TOX3: variants seen among roughly 807,000 people sequenced by gnomAD.
TOX3 encodes the protein CAG trinucleotide repeat-containing gene F9 protein.
In TOX3, 22 loss-of-function variants were observed where a neutral mutation model predicts 64.3. That is an observed-to-expected ratio of 0.34 (90% CI 0.24 to 0.49). The LOEUF is 0.49. TOX3 is among the 20% of genes least tolerant of loss of function. The probability of loss-of-function intolerance (pLI) is 0.99; values close to 1 mark genes in which losing one functional copy is unlikely to be tolerated. For synonymous variants in TOX3, 291 were observed against 273.6 expected (o/e 1.06, Z -0.63); for missense variants, 661 against 714.4 (o/e 0.93, Z 0.85).
chr16:52,530,589 T>C (rs1342874642), intron 1 of TOX3, among the ~76,000 whole-genome samples: 1 of 152,092 alleles, frequency 6.6e-6, no homozygotes, highest in African/African-American at 2.4e-5. Context: ...TCAGGTGATA[T>C]GCCCTGCCTC....
At chr16:52,486,390 G>C (rs750480326) in intron 1 of TOX3, among the ~76,000 whole-genome samples, 5 of 152,162 alleles carry the variant, frequency 3.3e-5, no homozygotes, top group Admixed American at 6.5e-5. Context: ...CAATGAGGCT[G>C]AAATAGATCT....
chr16:52,457,774 A>T (rs1234780285), intron 3 of TOX3, among the ~76,000 whole-genome samples: 1 of 152,198 alleles, frequency 6.6e-6, no homozygotes, highest in Admixed American at 6.5e-5. Context: ...TGCCAAATGC[A>T]TACCAATGAT....
chr16:52,439,433 T>A lies in TOX3; in HGVS notation c.1523A>T (p.Gln508Leu). Residue 508 changes from glutamine (Q) to leucine (L), a missense_variant, in exon 7 of 7, where the codon CAG becomes CTG. Transcript: ENST00000219746. ...CAGCTGGAGGCGCTGCTGCAGCTGCTGCTGCAGCTGCTGTTGATTAATTTG... is the reference window on the plus strand; with the variant it reads ...CAGCTGGAGGCGCTGCTGCAGCTGCAGCTGCAGCTGCTGTTGATTAATTTG... ...QQQINQQQLQQQLQQRLQLQQ... is the reference protein window; with the variant it reads ...QQQINQQQLQLQLQQRLQLQQ... 9 of 1,492,368 alleles carry A rather than the reference T, an allele frequency of 6.0e-6. No homozygotes were observed. Among genetic ancestry groups the A allele is most frequent in the African/African-American group, 1.4e-5 (1 of 72,032 alleles). The allele number at this position is 1,492,368 out of a possible 1,614,324, so 92.4% of individuals were successfully genotyped here.
intron 1 of TOX3, among the ~76,000 whole-genome samples, chr16:52,541,099 C>T (rs1963068404): frequency 6.6e-6 from 1 of 152,002 alleles, no homozygotes; most frequent in Non-Finnish European, 1.5e-5. Context: ...GCCTGGGAGC[C>T]CAGCCCTGGG....
At position 52,450,421 on chromosome 16, in the gene TOX3, G is replaced by T; in HGVS notation, c.534C>A (p.Asn178Lys). 6.2e-7 allele frequency: 1 copy of T among 1,614,022 alleles called. No individual in the cohort carries two copies. The highest frequency in any genetic ancestry group is 8.5e-7 in the Non-Finnish European group (1 of 1,179,892). Residue 178 changes from asparagine (N) to lysine (K), a missense_variant, in exon 4 of 7, where the codon AAC becomes AAA. Asn to Lys is a moderately conservative substitution (Grantham distance 94, BLOSUM62 0). Around this residue, in one of 3 missense-constraint regions of TOX3, gnomAD observed 259 missense variants for 261.2 expected, o/e 0.99. Transcript: ENST00000219746. Reference protein sequence around the residue: ...VMPPAQLTTINQSQLSAQLGL... With the variant: ...VMPPAQLTTIKQSQLSAQLGL... ...CCAACTGGGCGCTGAGCTGAGACTG[G>T]TTGATGGTGGTGAGCTGGGCAGGAG...
At chr16:52,534,715 T>C (rs879621338) in intron 1 of TOX3, among the ~76,000 whole-genome samples, 1 of 151,954 alleles carries the variant, frequency 6.6e-6, no homozygotes, top group Admixed American at 6.6e-5. Flanking sequence ...GATATAGGGA[T>C]ATAAGAAGTG....
At chr16:52,440,713 T>A (rs1487115652) in intron 6 of TOX3, among the ~76,000 whole-genome samples, 1 of 151,712 alleles carries the variant, frequency 6.6e-6, no homozygotes, top group African/African-American at 2.4e-5. Context: ...CCTGTTTCCT[T>A]ATCTGTAACA....
intron 1 of TOX3, among the ~76,000 whole-genome samples, chr16:52,474,164 C>T (rs9938209): frequency 0.078 from 11,815 of 152,108 alleles, 1,317 homozygotes; most frequent in African/African-American, 0.25. Flanking sequence ...TTGGTGACTC[C>T]GGCCAAATAT....
intron 1 of TOX3, among the ~76,000 whole-genome samples, chr16:52,494,815 G>A (rs9926539): frequency 0.28 from 42,292 of 152,192 alleles, 6,119 homozygotes; most frequent in South Asian, 0.39. Flanking sequence ...TGATTCTAGA[G>A]GAGAGAGGTT....
intron 5 of TOX3, 113 bp downstream of exon 5, chr16:52,445,881 A>T: frequency 4.1e-6 from 4 of 986,756 alleles, no homozygotes; most frequent in South Asian, 1.7e-5. Context: ...TTAGAAAAGG[A>T]TTTCAAAAGA....
chr16:52,463,515 T>TAA (rs1960758476), intron 3 of TOX3, among the ~76,000 whole-genome samples: 1 of 152,232 alleles, frequency 6.6e-6, no homozygotes, highest in East Asian at 1.9e-4. Flanking sequence ...TCATTTGCAA[T>TAA]AAGAATAAAT....
At chr16:52,485,014 T>C (rs1392572548) in intron 1 of TOX3, among the ~76,000 whole-genome samples, 3 of 150,618 alleles carry the variant, frequency 2.0e-5, no homozygotes, top group East Asian at 2.0e-4. Context: ...AGCAGCTAAC[T>C]GGATAAAGAA....
At chr16:52,440,090 A>G in intron 6 of TOX3, 122 bp from the exon 7 acceptor site, 1 of 796,020 alleles carries the variant, frequency 1.3e-6, no homozygotes, top group Non-Finnish European at 1.9e-6. Flanking sequence ...GCCCTCCTGT[A>G]TGTGTACTCT....
intron 3 of TOX3, among the ~76,000 whole-genome samples, chr16:52,455,561 C>A (rs1415759792): frequency 6.6e-6 from 1 of 152,044 alleles, no homozygotes; most frequent in African/African-American, 2.4e-5. Flanking sequence ...AAACAAGATT[C>A]CAACTGTGAT....
chr16:52,490,090 A>C (rs1961636614), intron 1 of TOX3, among the ~76,000 whole-genome samples: 1 of 152,116 alleles, frequency 6.6e-6, no homozygotes, highest in African/African-American at 2.4e-5. Flanking sequence ...GTGATTTTTT[A>C]ACGCAGTATG....
At chr16:52,440,248 C>G (rs2151737782) in intron 6 of TOX3, among the ~76,000 whole-genome samples, 1 of 152,238 alleles carries the variant, frequency 6.6e-6, no homozygotes, top group South Asian at 2.1e-4. Flanking sequence ...TCAAGCCTGC[C>G]CCTGCCATGT....
intron 4 of TOX3, among the ~76,000 whole-genome samples, chr16:52,447,076 T>C (rs1596775042): frequency 6.6e-6 from 1 of 152,078 alleles, no homozygotes; most frequent in East Asian, 1.9e-4. Flanking sequence ...CTGATATGGG[T>C]ATAGTTTCCC....
chr16:52,546,588 G>A (rs3095602), intron 1 of TOX3, 49 bp downstream of exon 1: 440,042 of 1,505,850 alleles, frequency 0.29, 69,584 homozygotes, highest in East Asian at 0.58. Context: ...GCGCGCCCAG[G>A]ATGGGGAGGT....
chr16:52,454,598 T>C (rs1960459818), intron 3 of TOX3, among the ~76,000 whole-genome samples: 1 of 152,184 alleles, frequency 6.6e-6, no homozygotes, highest in South Asian at 2.1e-4. Flanking sequence ...TTGGGGAACT[T>C]GAGGATCCTC....
Sources: gnomAD v4.1 joint callset for allele counts (sites outside exome capture counted in the v4.1 genomes callset) on GRCh38, gnomAD v4.1.1 for gene constraint, gnomAD v4.1.1 regional missense constraint, MANE v1.5 for transcripts, NCBI Gene and HGNC (gene_info 2026-07-23, HGNC 2026-07-21) for gene names.